NREP: variants seen among roughly 807,000 people sequenced by gnomAD.
NREP encodes the protein neuronal regeneration-related protein.
A neutral mutation model predicts 8.6 loss-of-function variants in NREP; 5 were observed. The ratio of observed to expected loss-of-function variants is 0.58; its 90% CI spans 0.30 to 1.22. The LOEUF (loss-of-function observed/expected upper bound fraction) is 1.22, where lower values mean the gene tolerates loss of function less well. Among genes scored for constraint, NREP ranks in the 50% most tolerant of loss-of-function variants. The pLI, the probability that NREP is intolerant of heterozygous loss-of-function variation, is 0.07. For missense variants in NREP, 86 were observed against 82.5 expected, an observed-to-expected ratio of 1.04 and a Z score of -0.17; for synonymous variants, 27 against 28.0, an observed-to-expected ratio of 0.96 and a Z score of 0.11.
At chr5:111,899,514 T>TA (rs753508346) in intron 2 of NREP, among the ~76,000 whole-genome samples, 5 of 151,688 alleles carry the variant, frequency 3.3e-5, no homozygotes, top group Non-Finnish European at 5.9e-5. Context: ...ACCCTGTCTC[T>TA]AAAAAAAGAA....
intron 2 of NREP, among the ~76,000 whole-genome samples, chr5:111,778,286 T>C (rs1186060007): frequency 6.6e-6 from 1 of 152,190 alleles, no homozygotes; most frequent in Non-Finnish European, 1.5e-5. Flanking sequence ...CTGAGATTTA[T>C]TGACAACATC....
At chr5:111,868,995 G>A (rs753529712) in intron 2 of NREP, among the ~76,000 whole-genome samples, 5 of 152,188 alleles carry the variant, frequency 3.3e-5, no homozygotes, top group African/African-American at 7.2e-5. Context: ...ATTTCTGCTT[G>A]TGTGGCTAAT....
At chr5:111,811,665 T>G (rs1172080779) in intron 2 of NREP, among the ~76,000 whole-genome samples, 1 of 152,240 alleles carries the variant, frequency 6.6e-6, no homozygotes, top group Admixed American at 6.5e-5. Context: ...AATATTTTTC[T>G]GGGATATTTA....
At chr5:111,819,717 A>G (rs1440681950) in intron 2 of NREP, among the ~76,000 whole-genome samples, 5 of 152,166 alleles carry the variant, frequency 3.3e-5, no homozygotes, top group Non-Finnish European at 7.4e-5. Flanking sequence ...ACCTTATTTA[A>G]TATACATTGT....
At chr5:111,907,261 C>A (rs1366401901) in intron 2 of NREP, among the ~76,000 whole-genome samples, 2 of 151,974 alleles carry the variant, frequency 1.3e-5, no homozygotes, top group East Asian at 3.9e-4. Context: ...AACGTATCTT[C>A]AAACCCAATG....
intron 2 of NREP, among the ~76,000 whole-genome samples, chr5:111,958,493 C>G (rs1309912674): frequency 6.6e-6 from 1 of 151,854 alleles, no homozygotes; most frequent in Non-Finnish European, 1.5e-5. Context: ...TCTGGGCTCA[C>G]AATTGATATT....
chr5:111,958,148 A>G (rs1054176034), intron 2 of NREP, among the ~76,000 whole-genome samples: 3 of 151,926 alleles, frequency 2.0e-5, no homozygotes, highest in Non-Finnish European at 2.9e-5. Context: ...TAAAAATAAG[A>G]AAACACTTTA....
chr5:111,905,311 C>T (rs1754755425), intron 2 of NREP, among the ~76,000 whole-genome samples: 1 of 152,094 alleles, frequency 6.6e-6, no homozygotes, highest in Admixed American at 6.6e-5. Context: ...TCCAAAGCAC[C>T]ATTTTGCATT....
At chr5:111,764,375 G>A (rs1386818296) in intron 2 of NREP, among the ~76,000 whole-genome samples, 1 of 152,218 alleles carries the variant, frequency 6.6e-6, no homozygotes, top group African/African-American at 2.4e-5. Flanking sequence ...AGAAAGAGAG[G>A]TTTAATGGAC....
chr5:111,919,983 C>A (rs374351712), intron 2 of NREP, among the ~76,000 whole-genome samples: 2 of 124,944 alleles, frequency 1.6e-5, no homozygotes, highest in Admixed American at 7.9e-5. Flanking sequence ...ACCCCCCCCC[C>A]CCACACACAC....
intron 2 of NREP, among the ~76,000 whole-genome samples, chr5:111,767,027 T>A (rs1751100723): frequency 6.6e-6 from 1 of 152,322 alleles, no homozygotes; most frequent in Admixed American, 6.5e-5. Context: ...TACTTTAACA[T>A]TCCTCCCACC....
At chr5:111,922,884 C>T (rs1267642252) in intron 2 of NREP, among the ~76,000 whole-genome samples, 1 of 152,270 alleles carries the variant, frequency 6.6e-6, no homozygotes, top group East Asian at 1.9e-4. Context: ...ATTAGAGGGG[C>T]TTCAAGGGTG....
intron 2 of NREP, among the ~76,000 whole-genome samples, chr5:111,866,886 A>T (rs1380748915): frequency 1.1e-4 from 17 of 151,936 alleles, no homozygotes; most frequent in Non-Finnish European, 2.4e-4. Context: ...TCAGCAAACG[A>T]TCGCAAGGAC....
intron 2 of NREP, among the ~76,000 whole-genome samples, chr5:111,864,771 G>A (rs755617540): frequency 6.6e-6 from 1 of 151,882 alleles, no homozygotes; most frequent in Admixed American, 6.6e-5. Flanking sequence ...TTAGATCCAT[G>A]GAAATATCGT....
intron 2 of NREP, among the ~76,000 whole-genome samples, chr5:111,772,931 AGCAAAAT>A (rs573386119): frequency 2.3e-3 from 354 of 152,266 alleles, no homozygotes; most frequent in Non-Finnish European, 3.0e-3. Flanking sequence ...TCTCTTAAAT[AGCAAAAT>A]GATGATATTC....
At chr5:111,938,562 A>G (rs1755745359) in intron 2 of NREP, among the ~76,000 whole-genome samples, 1 of 152,070 alleles carries the variant, frequency 6.6e-6, no homozygotes. Context: ...GGCAGATGAC[A>G]TGGCCTAGTT....
intron 2 of NREP, among the ~76,000 whole-genome samples, chr5:111,768,433 T>TTGAG (rs1751136794): frequency 6.6e-6 from 1 of 152,148 alleles, no homozygotes; most frequent in South Asian, 2.1e-4. Flanking sequence ...TTGTGTGGTA[T>TTGAG]TGAGGTTTGA....
At chr5:111,859,209 C>A (rs894281538) in intron 2 of NREP, among the ~76,000 whole-genome samples, 16 of 152,062 alleles carry the variant, frequency 1.1e-4, no homozygotes, top group African/African-American at 3.4e-4. Flanking sequence ...AAGCCTTTAT[C>A]TAGGAAGGAG....
At chr5:111,866,381 A>C (rs1010107638) in intron 2 of NREP, among the ~76,000 whole-genome samples, 1 of 152,208 alleles carries the variant, frequency 6.6e-6, no homozygotes, top group Non-Finnish European at 1.5e-5. Context: ...ATGCAGGCAA[A>C]AGACACATGA....
Sources: gnomAD v4.1 joint callset for allele counts (sites outside exome capture counted in the v4.1 genomes callset) on GRCh38, gnomAD v4.1.1 for gene constraint, MANE v1.5 for transcripts, NCBI Gene and HGNC (gene_info 2026-07-23, HGNC 2026-07-21) for gene names.